Variants in TNFRSF1B observed in about 807,000 individuals in gnomAD.
TNFRSF1B encodes the protein tumor necrosis factor receptor superfamily member 1B.
TNFRSF1B carries 19 observed loss-of-function variants against 44.6 expected under a neutral mutation model. The ratio of observed to expected loss-of-function variants is 0.43; its 90% CI spans 0.30 to 0.62. TNFRSF1B has a LOEUF of 0.62. Ranked by LOEUF, TNFRSF1B falls within the 20% of genes least tolerant of loss-of-function variation. The pLI is 0.16. For synonymous variants in TNFRSF1B, 252 were observed against 261.1 expected (o/e 0.97, Z 0.34); for missense variants, 541 against 619.9 (o/e 0.87, Z 1.35).
At chr1:12,170,811 C>T (rs1376186469) in intron 1 of TNFRSF1B, among the ~76,000 whole-genome samples, 2 of 151,772 alleles carry the variant, frequency 1.3e-5, no homozygotes, top group Non-Finnish European at 2.9e-5. Context: ...GGACTACAGG[C>T]ATGCACCACC....
chr1:12,203,994 G>A (rs1363931658), intron 9 of TNFRSF1B, among the ~76,000 whole-genome samples: 1 of 152,182 alleles, frequency 6.6e-6, no homozygotes. Context: ...CCTCCCGAAG[G>A]GCTGGGATTA....
rs949216081 is a variant in TNFRSF1B, at chr1:12,207,315, C to T, written c.*295C>T. On this transcript the variant is annotated 3_prime_UTR_variant, in exon 10 of 10. Coordinates refer to ENST00000376259, the MANE Select transcript of TNFRSF1B (RefSeq NM_001066.3). ...GTCCCTGACTCTCTGTGACCTGCCC[C>T]GCCCAGCTGCACCTGCCAGCCTGGC... 6 of 361,748 alleles carry T rather than the reference C, an allele frequency of 1.7e-5. No individual in the cohort carries two copies. Among genetic ancestry groups the T allele is most frequent in the Admixed American group, 4.7e-5 (1 of 21,488 alleles). 22.4% of individuals were successfully genotyped at this position (361,748 alleles called of 1,614,324 possible).
chr1:12,193,176 T>A, intron 6 of TNFRSF1B, 78 bp downstream of exon 6: 1 of 1,352,498 alleles, frequency 7.4e-7, no homozygotes. Context: ...TCTCCCATGG[T>A]TTTACTGAGA....
At position 12,189,034 on chromosome 1, in the gene TNFRSF1B, T is replaced by C. The variant is rs905654365; in HGVS notation, c.178+139T>C. On this transcript the variant is annotated intron_variant, in intron 2 of 9. Transcript: ENST00000376259. ...ACTGGCCCATGCTCCCTGCTGCTTC[T>C]GGGCCTGTGAACATGCTGTTCCCTC... The C allele has an allele frequency of 2.2e-5, 15 of 683,964 alleles. 1 individual carries two copies. The highest frequency in any genetic ancestry group is 3.1e-5 in the Admixed American group (1 of 32,194). 42.4% of individuals were successfully genotyped at this position (683,964 alleles called of 1,614,324 possible).
intron 1 of TNFRSF1B, among the ~76,000 whole-genome samples, chr1:12,182,556 C>T (rs887292486): frequency 1.3e-5 from 2 of 148,320 alleles, no homozygotes; most frequent in African/African-American, 4.9e-5. Context: ...GTGCTCAGCA[C>T]GTCTGTTGAA....
At chr1:12,204,491 G>T (rs1177877385) in intron 9 of TNFRSF1B, among the ~76,000 whole-genome samples, 1 of 152,188 alleles carries the variant, frequency 6.6e-6, no homozygotes, top group Non-Finnish European at 1.5e-5. Context: ...GAACCAGGCT[G>T]GGGTGAGGGC....
intron 1 of TNFRSF1B, among the ~76,000 whole-genome samples, chr1:12,174,121 A>AC (rs1483546026): frequency 1.0e-5 from 1 of 97,384 alleles, no homozygotes; most frequent in African/African-American, 4.1e-5. Context: ...CTGAGACTCC[A>AC]TTTCTTCTTC....
intron 3 of TNFRSF1B, among the ~76,000 whole-genome samples, 183 bp downstream of exon 3, chr1:12,191,268 C>T (rs1639116087): frequency 6.6e-6 from 1 of 152,284 alleles, no homozygotes; most frequent in South Asian, 2.1e-4. Context: ...AAAGCCTCTT[C>T]ACAGCCCCAC....
intron 2 of TNFRSF1B, among the ~76,000 whole-genome samples, chr1:12,189,189 G>C (rs1054193798): frequency 6.6e-6 from 1 of 152,204 alleles, no homozygotes; most frequent in African/African-American, 2.4e-5. Context: ...GGAGGGGGAG[G>C]AGGAGCCTAA....
At position 12,178,512 on chromosome 1, in the gene TNFRSF1B, T is replaced by G. The variant is rs1638713993; in HGVS notation, c.79-10284T>G. Among the ~76,000 whole-genome samples the G allele has an allele frequency of 6.6e-6, 1 of 152,106 alleles. No individual in the cohort carries two copies. The highest frequency in any genetic ancestry group is 6.5e-5 in the Admixed American group (1 of 15,270). ...AGCGCCCATACAAGGGTGTCAAGGT[T>G]GCGGGGAGGCACGAGGGAACCAATA... On this transcript the variant is annotated intron_variant, in intron 1 of 9. Coordinates refer to ENST00000376259, the MANE Select transcript of TNFRSF1B (RefSeq NM_001066.3). This position sits in a 1 kb window ranked among gnomAD's most constrained non-coding sequence, Gnocchi z 4.3.
chr1:12,179,606 C>T (rs1046649420), intron 1 of TNFRSF1B, among the ~76,000 whole-genome samples: 7 of 152,196 alleles, frequency 4.6e-5, no homozygotes, highest in African/African-American at 1.7e-4. Flanking sequence ...CACTGAACCA[C>T]CTGCCCCTGC....
chr1:12,182,395 G>A (rs1401634151), intron 1 of TNFRSF1B, among the ~76,000 whole-genome samples: 2 of 152,158 alleles, frequency 1.3e-5, no homozygotes, highest in African/African-American at 2.4e-5. Context: ...CCCCGGCCCC[G>A]CACCTTGTGT....
At chr1:12,197,245 G>A (rs1639286211) in intron 8 of TNFRSF1B, among the ~76,000 whole-genome samples, 1 of 152,170 alleles carries the variant, frequency 6.6e-6, no homozygotes, top group South Asian at 2.1e-4. Flanking sequence ...ACCACGCCTG[G>A]CCCCTTTCCT....
rs1219039849 is a variant in TNFRSF1B at position 12,187,897 on chromosome 1, A to G, written c.79-899A>G. Among the ~76,000 whole-genome samples the G allele has an allele frequency of 6.6e-6, 1 of 152,158 alleles. No individual in the cohort carries two copies. The highest frequency in any genetic ancestry group is 1.5e-5 in the Non-Finnish European group (1 of 68,018). ...CATGAATTGTACCAGGGTGGGTCCCACCTTGAGGCTGTGGAGCATTCATTA... is the reference window on the plus strand; with the variant it reads ...CATGAATTGTACCAGGGTGGGTCCCGCCTTGAGGCTGTGGAGCATTCATTA... On this transcript the variant is annotated intron_variant, in intron 1 of 9. Transcript: ENST00000376259. The surrounding 1 kb of genome is among the most constrained non-coding windows in gnomAD (Gnocchi z 5.5).
At chr1:12,174,913 G>A (rs1638617233) in intron 1 of TNFRSF1B, among the ~76,000 whole-genome samples, 1 of 152,228 alleles carries the variant, frequency 6.6e-6, no homozygotes. Flanking sequence ...CAGCCACTCT[G>A]ACCGGAGACA....
chr1:12,183,756 G>GCTATCTATCTATT (rs1638901975), intron 1 of TNFRSF1B, among the ~76,000 whole-genome samples: 1 of 82,686 alleles, frequency 1.2e-5, no homozygotes, highest in African/African-American at 4.0e-5. Context: ...TATCTAGCTA[G>GCTATCTATCTATT]CTAGCTAGCT....
chr1:12,189,163 C>A (rs967365017), intron 2 of TNFRSF1B, among the ~76,000 whole-genome samples: 7 of 152,310 alleles, frequency 4.6e-5, no homozygotes, highest in African/African-American at 1.7e-4. Context: ...CTGCCCCATA[C>A]TGCCCAGCCG....
intron 7 of TNFRSF1B, among the ~76,000 whole-genome samples, chr1:12,194,381 G>T (rs369352409): frequency 6.8e-4 from 103 of 152,216 alleles, no homozygotes; most frequent in African/African-American, 2.1e-3. Flanking sequence ...GGCGCGGATG[G>T]TATAGATGGG....
chr1:12,183,625 CTGTT>C (rs1638862441), intron 1 of TNFRSF1B, among the ~76,000 whole-genome samples: 1 of 150,742 alleles, frequency 6.6e-6, no homozygotes, highest in Non-Finnish European at 1.5e-5. Context: ...GTTTGTCTGT[CTGTT>C]TTATCTATCT....
Sources: allele counts gnomAD v4.1 joint callset (sites outside exome capture counted in the v4.1 genomes callset), GRCh38; gene constraint gnomAD v4.1.1; non-coding constraint Gnocchi (gnomAD v3.1); transcripts MANE v1.5; gene names NCBI Gene and HGNC (gene_info 2026-07-23, HGNC 2026-07-21).